MYOF: variants seen among roughly 807,000 people sequenced by gnomAD.
MYOF encodes the protein myoferlin.
A neutral mutation model predicts 284.2 loss-of-function variants in MYOF; 244 were observed. The ratio of observed to expected loss-of-function variants is 0.86; its 90% CI spans 0.77 to 0.95. MYOF has a LOEUF of 0.95. Among genes scored for constraint, MYOF ranks in the 40% least tolerant of loss-of-function variants. The pLI, the probability that MYOF is intolerant of heterozygous loss-of-function variation, is 0.00. For synonymous variants in MYOF, 904 were observed against 919.7 expected (o/e 0.98, Z 0.31); for missense variants, 2,496 against 2,560.6 (o/e 0.97, Z 0.54).
chr10:93,316,620 A>G, intron 50 of MYOF, 94 bp downstream of exon 50: 1 of 1,176,608 alleles, frequency 8.5e-7, no homozygotes, highest in Non-Finnish European at 1.3e-6. Flanking sequence ...ACCAAAAAGT[A>G]TTGAAGATTT....
chr10:93,438,203 ACTC>A (rs2056126029), intron 3 of MYOF, among the ~76,000 whole-genome samples: 1 of 150,340 alleles, frequency 6.7e-6, no homozygotes, highest in Non-Finnish European at 1.5e-5. Context: ...GACCCCCCAC[ACTC>A]CTCCTTGGCT....
Position 93,387,841 on chromosome 10 carries a change from T to C in MYOF, c.1654A>G (p.Lys552Glu), listed in dbSNP as rs1382593951. 2.5e-6 allele frequency: 4 copies of C among 1,614,042 alleles called. No individual in the cohort carries two copies. The highest frequency in any genetic ancestry group is 3.4e-6 in the Non-Finnish European group (4 of 1,180,034). Residue 552 changes from lysine (K) to glutamate (E), a missense_variant, in exon 19 of 54, where the codon AAA becomes GAA. By Grantham distance (56) the Lys-to-Glu change is moderately conservative. Transcript: ENST00000359263. ...TCATTTGAAATGGGCTCAAGCTTTT[T>C]ATCTGGTGGTGTCTTCTCAAGAAAA... Reference protein sequence around the residue: ...ATFLEKTPPDKKLEPISNDDL... With the variant: ...ATFLEKTPPDEKLEPISNDDL...
rs561004554 is a variant in MYOF, at chr10:93,352,690, G to A, written c.3482-844C>T. ...CAAAAGTGCTTGGTTTCTAGCAGTG[G>A]AGCCATCATATGAACCCTTTGCTTT... On this transcript the variant is annotated intron_variant, in intron 32 of 53. Coordinates refer to ENST00000359263, the MANE Select transcript of MYOF (RefSeq NM_013451.4). 3.3e-5 allele frequency among the ~76,000 whole-genome samples: 5 copies of A among 152,314 alleles called. No homozygotes were observed. In the East Asian group the frequency reaches 9.6e-4, roughly 29 times the overall value.
chr10:93,331,774 T>G (rs1286684356), intron 43 of MYOF, among the ~76,000 whole-genome samples: 1 of 151,922 alleles, frequency 6.6e-6, no homozygotes, highest in African/African-American at 2.4e-5. Flanking sequence ...AAAGAATACG[T>G]AAGGCTACAA....
intron 25 of MYOF, among the ~76,000 whole-genome samples, chr10:93,368,968 C>T (rs11187398): frequency 0.24 from 36,837 of 151,988 alleles, 5,898 homozygotes; most frequent in East Asian, 0.86. Flanking sequence ...AAAATCAAAA[C>T]AATTCTACTT....
intron 37 of MYOF, among the ~76,000 whole-genome samples, chr10:93,344,378 T>C (rs891654856): frequency 1.3e-5 from 2 of 152,116 alleles, no homozygotes; most frequent in Non-Finnish European, 2.9e-5. Context: ...GTAGTGTACA[T>C]TGTGCCCAGT....
intron 3 of MYOF, among the ~76,000 whole-genome samples, chr10:93,436,449 G>C (rs1849122896): frequency 6.6e-6 from 1 of 151,564 alleles, no homozygotes; most frequent in Non-Finnish European, 1.5e-5. Context: ...CTTTTGTAGG[G>C]GGGACACATA....
At chr10:93,402,721 AT>A (rs1477806127) in intron 10 of MYOF, 138 bp downstream of exon 10, 1 of 714,034 alleles carries the variant, frequency 1.4e-6, no homozygotes, top group African/African-American at 1.8e-5. Context: ...CCTCTCCCTC[AT>A]TAAGAAAATA....
At chr10:93,318,753 T>C (rs959714216) in intron 49 of MYOF, among the ~76,000 whole-genome samples, 4 of 152,128 alleles carry the variant, frequency 2.6e-5, no homozygotes, top group African/African-American at 9.7e-5. Flanking sequence ...AGTGAAACTC[T>C]GTCTCAAAAA....
At chr10:93,321,536 C>T (rs1000892670) in intron 48 of MYOF, among the ~76,000 whole-genome samples, 20 of 150,734 alleles carry the variant, frequency 1.3e-4, no homozygotes, top group African/African-American at 3.9e-4. Context: ...AGACTGCAGG[C>T]GTAAGCCACC....
At chr10:93,454,041 G>A (rs774376852) in intron 2 of MYOF, among the ~76,000 whole-genome samples, 3 of 152,164 alleles carry the variant, frequency 2.0e-5, no homozygotes, top group Non-Finnish European at 4.4e-5. Context: ...AATTAGCCAG[G>A]CGTAGTGGCA....
chr10:93,391,786 CT>C lies in MYOF; in HGVS notation c.1456+1130del, dbSNP rs1329021489. Reference sequence around the variant, plus strand: ...CTGGCCATCAAGGATTTCCTCTGACCTAGCTACAACCCACTTTCCAACAATA... The same window carrying C: ...CTGGCCATCAAGGATTTCCTCTGACCAGCTACAACCCACTTTCCAACAATA... On this transcript the variant is annotated intron_variant, in intron 17 of 53. Transcript: ENST00000359263. Among the ~76,000 whole-genome samples the C allele has an allele frequency of 1.1e-4, 16 of 152,128 alleles. No homozygotes were observed. In the South Asian group the frequency reaches 1.2e-3, roughly 12 times the overall value.
chr10:93,394,321 C>A (rs1159677065), intron 16 of MYOF, among the ~76,000 whole-genome samples: 1 of 151,904 alleles, frequency 6.6e-6, no homozygotes, highest in Non-Finnish European at 1.5e-5. Context: ...AGCCTGGTCT[C>A]AAACTCCTGA....
At chr10:93,334,910 G>A (rs955530372) in intron 41 of MYOF, among the ~76,000 whole-genome samples, 4 of 152,168 alleles carry the variant, frequency 2.6e-5, no homozygotes, top group South Asian at 2.1e-4. Context: ...TCATCCTCTC[G>A]TCCCTTAGCA....
intron 7 of MYOF, among the ~76,000 whole-genome samples, chr10:93,407,330 G>A (rs1235583363): frequency 2.0e-5 from 3 of 149,512 alleles, no homozygotes; most frequent in African/African-American, 4.9e-5. Context: ...CGAGGCTGAG[G>A]TGAGAGAGGA....
At position 93,435,326 on chromosome 10, in the gene MYOF, C is replaced by T. The variant is rs1849069982; in HGVS notation, c.237-3810G>A. On this transcript the variant is annotated intron_variant, in intron 3 of 53. Coordinates refer to ENST00000359263, the MANE Select transcript of MYOF (RefSeq NM_013451.4). The stretch of plus-strand genomic sequence containing the variant: ...TGGGGTTGGACCAGCGTGTCTCGAC[C>T]TCAGCACTACTGACATTTTGAACCC... Among the ~76,000 whole-genome samples the T allele has an allele frequency of 5.3e-5, 8 of 152,314 alleles. 1 individual carries two copies. In the South Asian group the frequency reaches 1.7e-3, roughly 32 times the overall value.
At chr10:93,424,345 A>G (rs1283623437) in intron 5 of MYOF, among the ~76,000 whole-genome samples, 1 of 152,202 alleles carries the variant, frequency 6.6e-6, no homozygotes, top group Non-Finnish European at 1.5e-5. Context: ...TGCTGGTGAC[A>G]ATAGTCATCG....
intron 28 of MYOF, 58 bp from the exon 29 acceptor site, chr10:93,360,036 T>C (rs978495139): frequency 3.7e-6 from 6 of 1,601,342 alleles, no homozygotes; most frequent in Non-Finnish European, 5.1e-6. Context: ...GATCACCAAA[T>C]AAACCTCGAG....
At chr10:93,367,794 C>T (rs961720920) in intron 25 of MYOF, among the ~76,000 whole-genome samples, 37 of 151,300 alleles carry the variant, frequency 2.4e-4, no homozygotes, top group African/African-American at 8.0e-4. Context: ...TGAAGCACCT[C>T]ATAGACTCCC....
Sources: allele counts gnomAD v4.1 joint callset (sites outside exome capture counted in the v4.1 genomes callset), GRCh38; gene constraint gnomAD v4.1.1; transcripts MANE v1.5; gene names NCBI Gene and HGNC (gene_info 2026-07-23, HGNC 2026-07-21).